Variants in GPM6B observed in about 807,000 individuals in gnomAD.
GPM6B encodes glycoprotein M6B, also known as neuronal membrane glycoprotein M6-b.
In GPM6B, 4 loss-of-function variants were observed where a neutral mutation model predicts 27.2. The ratio of observed to expected loss-of-function variants is 0.15; its 90% CI spans 0.07 to 0.34. The LOEUF (loss-of-function observed/expected upper bound fraction) is 0.34. GPM6B is among the 10% of genes least tolerant of loss of function. The pLI is 1.00. For missense variants in GPM6B, 183 were observed against 261.9 expected (o/e 0.70, Z 2.08); for synonymous variants, 124 against 103.1 (o/e 1.20, Z -1.23).
chrX:13,800,552 T>C (rs908969939), intron 2 of GPM6B, among the ~76,000 whole-genome samples: 3 of 112,400 alleles, frequency 2.7e-5, no homozygotes, highest in African/African-American at 9.7e-5. Context: ...TAGCGAAACA[T>C]TACTTCAAGA....
At chrX:13,905,108 G>A (rs1235973223) in intron 1 of GPM6B, among the ~76,000 whole-genome samples, 1 of 107,646 alleles carries the variant, frequency 9.3e-6, no homozygotes, top group African/African-American at 3.4e-5. Context: ...GTGCACGCCT[G>A]TAGTCCCAGC....
At chrX:13,884,961 G>A (rs1395191148) in intron 1 of GPM6B, among the ~76,000 whole-genome samples, 2 of 111,866 alleles carry the variant, frequency 1.8e-5, no homozygotes, top group African/African-American at 6.5e-5. Context: ...AAAATTTATA[G>A]GAGAGAAAAC....
At chrX:13,859,200 C>G (rs746628284) in intron 1 of GPM6B, among the ~76,000 whole-genome samples, 9 of 111,993 alleles carry the variant, frequency 8.0e-5, no homozygotes, top group Non-Finnish European at 1.3e-4. Context: ...CAGAACAGTT[C>G]CCCCACTTTA....
At chrX:13,822,851 TTAA>T (rs953268121) in intron 1 of GPM6B, among the ~76,000 whole-genome samples, 1 of 111,903 alleles carries the variant, frequency 8.9e-6, no homozygotes, top group Non-Finnish European at 1.9e-5. Context: ...ATTCAACATA[TTAA>T]TAATTCTGTG....
chrX:13,791,890 A>G (rs2048720582), intron 2 of GPM6B, among the ~76,000 whole-genome samples: 1 of 109,581 alleles, frequency 9.1e-6, no homozygotes, highest in East Asian at 2.8e-4. Flanking sequence ...ACATACATAC[A>G]CACACACACA....
At chrX:13,815,152 A>G (rs1177574819) in intron 1 of GPM6B, among the ~76,000 whole-genome samples, 3 of 112,078 alleles carry the variant, frequency 2.7e-5, no homozygotes, top group Non-Finnish European at 5.6e-5. Flanking sequence ...TATTGGTTAT[A>G]TGACCTTTGC....
intron 1 of GPM6B, among the ~76,000 whole-genome samples, chrX:13,937,958 T>A (rs900960242): frequency 9.0e-6 from 1 of 111,101 alleles, no homozygotes; most frequent in African/African-American, 3.3e-5. Context: ...GTCCAGAGTC[T>A]CTCCTGTCAC....
intron 1 of GPM6B, among the ~76,000 whole-genome samples, chrX:13,886,435 C>T (rs1187947372): frequency 9.1e-6 from 1 of 109,865 alleles, no homozygotes; most frequent in Admixed American, 9.8e-5. Flanking sequence ...ACCTGAAAAA[C>T]GCTTCCACAC....
chrX:13,793,252 AAT>A (rs1171456975), intron 2 of GPM6B, among the ~76,000 whole-genome samples: 2 of 111,016 alleles, frequency 1.8e-5, no homozygotes, highest in African/African-American at 6.6e-5. Flanking sequence ...GTCTTTACAT[AAT>A]TTTTAAATCT....
At chrX:13,851,691 C>A (rs1421955059) in intron 1 of GPM6B, among the ~76,000 whole-genome samples, 2 of 109,043 alleles carry the variant, frequency 1.8e-5, no homozygotes, top group Non-Finnish European at 3.8e-5. Context: ...TTGCACAGTG[C>A]AGACCTCAGT....
chrX:13,900,157 T>C (rs2050269734), intron 1 of GPM6B, among the ~76,000 whole-genome samples: 1 of 111,695 alleles, frequency 9.0e-6, no homozygotes, highest in African/African-American at 3.3e-5. Flanking sequence ...TCATCACTCT[T>C]TGCAAAATGC....
intron 1 of GPM6B, among the ~76,000 whole-genome samples, chrX:13,893,236 C>A (rs1344902994): frequency 2.7e-5 from 3 of 111,230 alleles, no homozygotes; most frequent in Non-Finnish European, 5.6e-5. Flanking sequence ...ATTTTCAGTA[C>A]AAATGTAGCA....
chrX:13,844,423 G>A (rs890360835), intron 1 of GPM6B, among the ~76,000 whole-genome samples: 4 of 112,046 alleles, frequency 3.6e-5, no homozygotes, highest in African/African-American at 1.3e-4. Flanking sequence ...TTGTTAGATG[G>A]CAAAAACTTT....
chrX:13,808,478 A>G (rs1238901967), intron 1 of GPM6B, among the ~76,000 whole-genome samples: 2 of 111,921 alleles, frequency 1.8e-5, no homozygotes, highest in Non-Finnish European at 3.8e-5. Flanking sequence ...AATATTTCCC[A>G]CTTCTTAGGG....
intron 1 of GPM6B, among the ~76,000 whole-genome samples, chrX:13,867,053 G>A (rs917009367): frequency 3.6e-5 from 4 of 111,631 alleles, no homozygotes; most frequent in African/African-American, 6.5e-5. Flanking sequence ...CACTTGGTAC[G>A]GTTAGATTCT....
chrX:13,933,892 A>G (rs918973528), intron 1 of GPM6B, among the ~76,000 whole-genome samples: 1 of 111,980 alleles, frequency 8.9e-6, no homozygotes, highest in African/African-American at 3.2e-5. Flanking sequence ...AGGAACTCCA[A>G]TCAGGTCCTT....
chrX:13,797,287 A>G (rs780723536), intron 2 of GPM6B, among the ~76,000 whole-genome samples: 1 of 111,195 alleles, frequency 9.0e-6, no homozygotes, highest in African/African-American at 3.3e-5. Flanking sequence ...AGGTATCACT[A>G]AAGTAGAATA....
In GPM6B at chrX:13,913,100, A is replaced by G. The variant is rs748522666; in HGVS notation, c.-198+25227T>C. 8.0e-5 allele frequency among the ~76,000 whole-genome samples: 9 copies of G among 111,915 alleles called. No homozygotes were observed. In the South Asian group the frequency reaches 3.4e-3, roughly 42 times the overall value. On this transcript the variant is annotated intron_variant, in intron 1 of 6. Transcript: ENST00000398361. ...GAAGATATTAGATATTACCTTGAAT[A>G]AACAGTTCAAGACAATTATAGCACG...
chrX:13,818,972 C>T (rs1245519823), upstream of GPM6B, among the ~76,000 whole-genome samples: 1 of 112,318 alleles, frequency 8.9e-6, no homozygotes, highest in Non-Finnish European at 1.9e-5. Context: ...GATTATAGAA[C>T]CAGCAGATCC....
Sources: allele counts gnomAD v4.1 joint callset (sites outside exome capture counted in the v4.1 genomes callset), GRCh38; gene constraint gnomAD v4.1.1; transcripts MANE v1.5; gene names NCBI Gene and HGNC (gene_info 2026-07-23, HGNC 2026-07-21).